Variants in UNC80 observed in about 807,000 individuals in gnomAD.
UNC80 encodes unc-80 subunit of NALCN channel complex.
In UNC80, 164 loss-of-function variants were observed where a neutral mutation model predicts 384.6. The ratio of observed to expected loss-of-function variants is 0.43; its 90% CI spans 0.38 to 0.49. The LOEUF is 0.49. UNC80 is among the 20% of genes least tolerant of loss of function. The probability of loss-of-function intolerance (pLI) is 0.00; values close to 1 mark genes in which losing one functional copy is unlikely to be tolerated. For synonymous variants in UNC80, 1,486 were observed against 1,527.8 expected (o/e 0.97, Z 0.64); for missense variants, 3,330 against 4,143.0 (o/e 0.80, Z 5.39).
intron 4 of UNC80, among the ~76,000 whole-genome samples, chr2:209,779,013 C>G (rs2077016064): frequency 6.6e-6 from 1 of 152,204 alleles, no homozygotes; most frequent in Non-Finnish European, 1.5e-5. Flanking sequence ...TCCCAAAATG[C>G]AACACATACA....
intron 15 of UNC80, 51 bp downstream of exon 15, chr2:209,829,430 A>T (rs751273313): frequency 6.5e-7 from 1 of 1,544,650 alleles, no homozygotes; most frequent in Non-Finnish European, 8.8e-7. Flanking sequence ...GAGGTGAATC[A>T]GGTAGTGTTT....
intron 22 of UNC80, among the ~76,000 whole-genome samples, chr2:209,870,047 T>C (rs1348298088): frequency 6.6e-6 from 1 of 152,186 alleles, no homozygotes; most frequent in Admixed American, 6.5e-5. Flanking sequence ...ATTCATCTAT[T>C]GTTAATCCTC....
Position 209,933,871 on chromosome 2 carries a change from A to G in UNC80, c.6044A>G (p.Asp2015Gly). The change falls in exon 39 of 65, where the codon GAT (aspartate) becomes GGT (glycine). Residue 2015 changes from aspartate (D) to glycine (G), a missense_variant. Asp to Gly is a moderately conservative substitution (Grantham distance 94). Coordinates refer to ENST00000673920, the MANE Select transcript of UNC80 (RefSeq NM_001371986.1). ...CGGACCCCCTGCGAGTGGGGGATGG[A>G]TGCCATTTCAGCCACCCTGACATTC... is the stretch of plus-strand genomic sequence containing the variant. ...FVRTPCEWGMDAISATLTFLW... is the reference protein window; with the variant it reads ...FVRTPCEWGMGAISATLTFLW... 1 of 1,551,366 alleles carries G rather than the reference A, an allele frequency of 6.4e-7. No homozygotes were observed. The highest frequency in any genetic ancestry group is 8.7e-7 in the Non-Finnish European group (1 of 1,146,816).
chr2:209,894,080 G>C (rs369428045), intron 26 of UNC80, 83 bp from the exon 27 acceptor site: 4 of 917,672 alleles, frequency 4.4e-6, no homozygotes, highest in Non-Finnish European at 5.2e-6. Flanking sequence ...AGGCTGATCA[G>C]GGACAAGTTG....
chr2:209,860,246 A>G (rs375167775), intron 22 of UNC80, among the ~76,000 whole-genome samples: 1 of 152,176 alleles, frequency 6.6e-6, no homozygotes, highest in East Asian at 1.9e-4. Context: ...TTCTCTGCAT[A>G]TGGCTAGCCA....
At chr2:209,842,131 C>A (rs1483000696) in intron 20 of UNC80, among the ~76,000 whole-genome samples, 2 of 152,146 alleles carry the variant, frequency 1.3e-5, no homozygotes, top group Non-Finnish European at 2.9e-5. Flanking sequence ...AGCTTTTAAT[C>A]TGGGACCTGG....
intron 29 of UNC80, among the ~76,000 whole-genome samples, chr2:209,910,131 A>G (rs2088748055): frequency 6.6e-6 from 1 of 151,608 alleles, no homozygotes; most frequent in Non-Finnish European, 1.5e-5. Context: ...GACAGAATTT[A>G]TCACTCTTGT....
At position 209,936,946 on chromosome 2, in the gene UNC80, T is replaced by C. The variant is rs2124973324; in HGVS notation, c.6363+13T>C. 1 of 1,509,272 alleles carries C rather than the reference T, an allele frequency of 6.6e-7. No individual in the cohort carries two copies. Among genetic ancestry groups the C allele is most frequent in the East Asian group, 2.5e-5 (1 of 40,674 alleles). The allele number at this position is 1,509,272 out of a possible 1,614,324, so 93.5% of individuals were successfully genotyped here. ...CCACTACAATAAGGTGAGACACCAGTAGTGACATCCCCGTTGAGTTGTGCC... is the reference window on the plus strand; with the variant it reads ...CCACTACAATAAGGTGAGACACCAGCAGTGACATCCCCGTTGAGTTGTGCC... On this transcript the variant is annotated intron_variant, in intron 41 of 64. Transcript: ENST00000673920.
chr2:209,793,873 A>G lies in UNC80; in HGVS notation c.938+14A>G, dbSNP rs1367499265. The G allele has an allele frequency of 3.1e-6, 5 of 1,613,782 alleles. No homozygotes were observed. The highest frequency in any genetic ancestry group is 1.3e-5 in the African/African-American group (1 of 75,054). ...ATCACATTCCAGGTACCTGATTGCA[A>G]TGTTAGGGACAAAATGTGTCACTGG... On this transcript the variant is annotated intron_variant, in intron 7 of 64. Coordinates refer to ENST00000673920, the MANE Select transcript of UNC80 (RefSeq NM_001371986.1).
chr2:209,853,251 A>G (rs2082658923), intron 22 of UNC80, among the ~76,000 whole-genome samples: 1 of 151,994 alleles, frequency 6.6e-6, no homozygotes, highest in Non-Finnish European at 1.5e-5. Flanking sequence ...CTTAAATACA[A>G]TTTTTGCATT....
At chr2:209,874,966 T>A (rs1006188500) in intron 23 of UNC80, among the ~76,000 whole-genome samples, 1 of 152,182 alleles carries the variant, frequency 6.6e-6, no homozygotes, top group Non-Finnish European at 1.5e-5. Context: ...TCTCCTCCCC[T>A]ATTGATCCCA....
chr2:209,918,348 G>A (rs891963932), intron 32 of UNC80, among the ~76,000 whole-genome samples, 184 bp from the exon 33 acceptor site: 1 of 152,172 alleles, frequency 6.6e-6, no homozygotes, highest in Non-Finnish European at 1.5e-5. Context: ...GGCCCAGATA[G>A]GTTCATCTTG....
intron 25 of UNC80, among the ~76,000 whole-genome samples, chr2:209,885,754 CTTTTT>C (rs1410561654): frequency 1.5e-5 from 2 of 135,850 alleles, no homozygotes; most frequent in Non-Finnish European, 1.6e-5. Flanking sequence ...AAAATGTTAA[CTTTTT>C]TTTTTTTTTT....
chr2:209,989,552 C>T (rs1211129110), intron 61 of UNC80, among the ~76,000 whole-genome samples: 1 of 152,018 alleles, frequency 6.6e-6, no homozygotes, highest in Non-Finnish European at 1.5e-5. Flanking sequence ...TAGTATTTCC[C>T]TAAAGGGAAA....
chr2:209,847,895 TAATA>T (rs1277709620), intron 21 of UNC80, among the ~76,000 whole-genome samples: 5 of 152,098 alleles, frequency 3.3e-5, no homozygotes, highest in East Asian at 1.9e-4. Flanking sequence ...TAGCAACAAA[TAATA>T]AAACAACTGG....
At chr2:209,968,520 A>C (rs1201893914) in intron 52 of UNC80, 1 of 152,094 alleles carries the variant, frequency 6.6e-6, no homozygotes, top group Non-Finnish European at 1.5e-5. Context: ...AACAAATGGA[A>C]AAGTTTTATT....
intron 27 of UNC80, 141 bp from the exon 28 acceptor site, chr2:209,896,172 C>A: frequency 1.4e-6 from 1 of 698,410 alleles, no homozygotes; most frequent in Non-Finnish European, 2.5e-6. Context: ...ATTCCTCCAA[C>A]AAAGTCAATG....
chr2:209,932,060 C>T (rs1315555841), intron 38 of UNC80, among the ~76,000 whole-genome samples: 1 of 152,108 alleles, frequency 6.6e-6, no homozygotes, highest in African/African-American at 2.4e-5. Context: ...AGACCATGTT[C>T]TTAAGTCTGG....
Position 209,986,354 on chromosome 2 carries a change from A to C in UNC80, c.9314+1442A>C, listed in dbSNP as rs138383697. 2.6e-3 allele frequency among the ~76,000 whole-genome samples: 400 copies of C among 152,246 alleles called. 1 individual carries two copies. The highest frequency in any genetic ancestry group is 0.017 in the Middle Eastern group (5 of 294). On this transcript the variant is annotated intron_variant, in intron 61 of 64. Transcript: ENST00000673920. ...ATTAGGCCAAATTCTACTCTTGATG[A>C]GTAAGGATTGGTGAGAGAAGGCAGG...
Sources: gnomAD v4.1 joint callset for allele counts (sites outside exome capture counted in the v4.1 genomes callset) on GRCh38, gnomAD v4.1.1 for gene constraint, MANE v1.5 for transcripts, NCBI Gene and HGNC (gene_info 2026-07-23, HGNC 2026-07-21) for gene names.